The following GREB1L variants were observed in gnomAD, a reference collection of about 807,000 sequenced individuals.
GREB1L encodes GREB1 like retinoic acid receptor coactivator.
Under a neutral mutation model 200.8 loss-of-function variants are expected in GREB1L, and 17 were observed. The ratio of observed to expected loss-of-function variants is 0.08; its 90% CI spans 0.06 to 0.13. The LOEUF is 0.13. Among genes scored for constraint, GREB1L ranks in the 10% least tolerant of loss-of-function variants. GREB1L has a pLI of 1.00. For missense variants in GREB1L, 1,657 were observed against 2,367.7 expected, an observed-to-expected ratio of 0.70 and a Z score of 6.23; for synonymous variants, 789 against 893.0, an observed-to-expected ratio of 0.88 and a Z score of 2.08.
At chr18:21,304,632 G>A (rs1005239306) in intron 1 of GREB1L, among the ~76,000 whole-genome samples, 1 of 152,146 alleles carries the variant, frequency 6.6e-6, no homozygotes, top group Non-Finnish European at 1.5e-5. Flanking sequence ...TGTACAAAAT[G>A]GGAAGAAGCA....
intron 1 of GREB1L, among the ~76,000 whole-genome samples, chr18:21,280,900 CAG>C (rs1200980258): frequency 1.3e-5 from 2 of 152,178 alleles, no homozygotes; most frequent in Admixed American, 6.5e-5. Context: ...TTAGATTCTA[CAG>C]AGAGAAACCT....
intron 1 of GREB1L, among the ~76,000 whole-genome samples, chr18:21,353,634 G>A (rs2039465531): frequency 6.6e-6 from 1 of 152,028 alleles, no homozygotes; most frequent in African/African-American, 2.4e-5. Flanking sequence ...ATAAATGCTG[G>A]TAATATATGT....
At chr18:21,242,605 C>T (rs1393048605) in intron 1 of GREB1L, among the ~76,000 whole-genome samples, 2 of 152,102 alleles carry the variant, frequency 1.3e-5, no homozygotes, top group African/African-American at 4.8e-5. Context: ...AGCGCCAGTG[C>T]CAACCTGGGA....
rs1327476326 is a variant in GREB1L, at chr18:21,384,164, C to G, written c.158-42C>G. On this transcript the variant is annotated intron_variant, in intron 3 of 32. Coordinates refer to ENST00000424526, the MANE Select transcript of GREB1L (RefSeq NM_001142966.3). ...TCAGAACTGTGCATTTTTCCATAAG[C>G]ATCTTTTTATTAAATCTGCTGTGAT... The G allele has an allele frequency of 5.4e-6, 7 of 1,288,568 alleles. No individual in the cohort carries two copies. In the East Asian group the frequency reaches 1.8e-4, roughly 32 times the overall value. The allele number at this position is 1,288,568 out of a possible 1,614,324, so 79.8% of individuals were successfully genotyped here.
rs1165877682 is a variant in GREB1L, at chr18:21,449,779, G to A, written c.1663G>A (p.Val555Met). Residue 555 changes from valine to methionine, a missense_variant, in exon 12 of 33, where the codon GTG (valine) becomes ATG (methionine). This residue lies in a region of GREB1L where 239 missense variants were observed against 421.8 expected (regional missense o/e 0.57). Transcript: ENST00000424526. The stretch of plus-strand genomic sequence containing the variant: ...ACACTATCAAAGGCTGCCAGATTAT[G>A]TGGTGGTAATTTGTGCATCGAAAAT... ...MRHYQRLPDY[V>M]VVICASKIRG... 1 of 1,550,158 alleles carries A rather than the reference G, an allele frequency of 6.5e-7. No individual in the cohort carries two copies. Among genetic ancestry groups the A allele is most frequent in the Non-Finnish European group, 8.7e-7 (1 of 1,146,100 alleles).
intron 19 of GREB1L, 140 bp downstream of exon 19, chr18:21,490,491 A>G: frequency 1.4e-6 from 1 of 719,664 alleles, no homozygotes; most frequent in Non-Finnish European, 2.3e-6. Flanking sequence ...AAATTAAGGG[A>G]CATATTCACT....
At chr18:21,448,925 A>G (rs2034380099) in intron 11 of GREB1L, among the ~76,000 whole-genome samples, 1 of 152,216 alleles carries the variant, frequency 6.6e-6, no homozygotes, top group Non-Finnish European at 1.5e-5. Context: ...GCTGGGGAAT[A>G]ACTAGATCAT....
intron 15 of GREB1L, among the ~76,000 whole-genome samples, chr18:21,466,261 A>G (rs1296173459): frequency 2.0e-5 from 3 of 152,134 alleles, no homozygotes; most frequent in South Asian, 2.1e-4. Context: ...TGGTACACAT[A>G]TAAGAGTTTC....
chr18:21,250,475 T>G (rs2143928427), intron 1 of GREB1L, among the ~76,000 whole-genome samples: 1 of 152,348 alleles, frequency 6.6e-6, no homozygotes, highest in East Asian at 1.9e-4. Flanking sequence ...GCATTTTAAG[T>G]GTCTTCCCAG....
intron 7 of GREB1L, 81 bp from the exon 8 acceptor site, chr18:21,439,440 C>T (rs1287806631): frequency 2.5e-6 from 2 of 807,934 alleles, no homozygotes; most frequent in East Asian, 5.3e-5. Context: ...AGTGTGAGGT[C>T]TATCAGATGG....
intron 2 of GREB1L, among the ~76,000 whole-genome samples, chr18:21,375,601 T>G (rs577653475): frequency 6.6e-6 from 1 of 152,300 alleles, no homozygotes; most frequent in Non-Finnish European, 1.5e-5. Context: ...TTTACCCAAT[T>G]GGGCCATCTT....
chr18:21,351,793 A>C (rs2039437069), intron 1 of GREB1L, among the ~76,000 whole-genome samples: 1 of 152,166 alleles, frequency 6.6e-6, no homozygotes, highest in African/African-American at 2.4e-5. Flanking sequence ...CTGTATGGTC[A>C]TGGAAAGTTT....
At chr18:21,519,175 TA>T (rs1335733661) in intron 31 of GREB1L, among the ~76,000 whole-genome samples, 13 of 152,112 alleles carry the variant, frequency 8.5e-5, no homozygotes, top group Non-Finnish European at 1.8e-4. Context: ...AACCATCAGA[TA>T]TAAAGGCCAG....
rs186375323 is a variant in GREB1L, at chr18:21,458,234, G to A, written c.2182+3671G>A. Among the ~76,000 whole-genome samples the A allele has an allele frequency of 7.0e-4, 107 of 152,198 alleles. No homozygotes were observed. In the Middle Eastern group the frequency reaches 0.01, roughly 15 times the overall value. ...GATCCACCCGTTTCGGCCTCCCAAA[G>A]TGCTGGGATTACAGGTGTGAGCCAC... On this transcript the variant is annotated intron_variant, in intron 15 of 32. Transcript: ENST00000424526.
chr18:21,437,857 A>T (rs1446012804), intron 7 of GREB1L, among the ~76,000 whole-genome samples: 1 of 152,250 alleles, frequency 6.6e-6, no homozygotes, highest in African/African-American at 2.4e-5. Flanking sequence ...TTAACAGATA[A>T]TTAAAAGATA....
intron 1 of GREB1L, among the ~76,000 whole-genome samples, chr18:21,357,085 C>T (rs1200464103): frequency 2.6e-5 from 4 of 152,100 alleles, no homozygotes; most frequent in Admixed American, 1.3e-4. Flanking sequence ...GATGGAGTCT[C>T]ACTCTGTTGC....
At chr18:21,425,431 T>C (rs2032489930) in intron 7 of GREB1L, among the ~76,000 whole-genome samples, 1 of 152,234 alleles carries the variant, frequency 6.6e-6, no homozygotes, top group Non-Finnish European at 1.5e-5. Context: ...GTGGAATTGC[T>C]GGGTCATATG....
chr18:21,253,339 A>G (rs1165020637), intron 1 of GREB1L, among the ~76,000 whole-genome samples: 6 of 132,992 alleles, frequency 4.5e-5, no homozygotes, highest in African/African-American at 1.7e-4. Flanking sequence ...CGCAACCTCC[A>G]CCTACCGGGT....
chr18:21,334,282 T>C (rs150843572), intron 1 of GREB1L, among the ~76,000 whole-genome samples: 1 of 152,296 alleles, frequency 6.6e-6, no homozygotes, highest in Non-Finnish European at 1.5e-5. Flanking sequence ...TATCAGTACC[T>C]GGGTAAATAG....
Sources: allele counts gnomAD v4.1 joint callset (sites outside exome capture counted in the v4.1 genomes callset), GRCh38; gene constraint gnomAD v4.1.1; regional missense constraint gnomAD v4.1.1; transcripts MANE v1.5; gene names NCBI Gene and HGNC (gene_info 2026-07-23, HGNC 2026-07-21).